Variants in WDR19 observed in about 807,000 individuals in gnomAD.
WDR19 encodes WD repeat domain 19.
In WDR19, 121 loss-of-function variants were observed where a neutral mutation model predicts 180.0. The observed-to-expected ratio is 0.67, with a 90% CI of 0.58 to 0.78. The LOEUF is 0.78. Among genes scored for constraint, WDR19 ranks in the 30% least tolerant of loss-of-function variants. The pLI is 0.00. For synonymous variants in WDR19, 497 were observed against 540.7 expected, an observed-to-expected ratio of 0.92 and a Z score of 1.12; for missense variants, 1,450 against 1,640.7, an observed-to-expected ratio of 0.88 and a Z score of 2.01.
At chr4:39,208,252 T>G (rs1432564290) in intron 9 of WDR19, among the ~76,000 whole-genome samples, 4 of 151,478 alleles carry the variant, frequency 2.6e-5, no homozygotes, top group Non-Finnish European at 5.9e-5. Context: ...AATTCAAACA[T>G]GTCAGCCCAT....
chr4:39,213,803 T>C (rs1728776120), intron 9 of WDR19, among the ~76,000 whole-genome samples: 1 of 152,170 alleles, frequency 6.6e-6, no homozygotes, highest in Admixed American at 6.6e-5. Context: ...AGTATCCTGA[T>C]TGTGGTATTA....
intron 36 of WDR19, among the ~76,000 whole-genome samples, chr4:39,282,087 A>C (rs1415510607): frequency 6.6e-6 from 1 of 152,222 alleles, no homozygotes; most frequent in Non-Finnish European, 1.5e-5. Context: ...TTTGGAGTCC[A>C]TTGATTGGGA....
At chr4:39,228,116 T>C in intron 15 of WDR19, 94 bp from the exon 16 acceptor site, 1 of 1,425,990 alleles carries the variant, frequency 7.0e-7, no homozygotes. Context: ...CTCAGTAAGC[T>C]AAGCCAGCTA....
At chr4:39,256,142 T>C (rs775896138) in intron 27 of WDR19, among the ~76,000 whole-genome samples, 182 bp downstream of exon 27, 17 of 152,300 alleles carry the variant, frequency 1.1e-4, no homozygotes, top group Non-Finnish European at 2.1e-4. Context: ...CAACCTTCCT[T>C]CGTAATACCT....
chr4:39,255,612 C>T (rs1733670362), intron 26 of WDR19, among the ~76,000 whole-genome samples: 1 of 151,852 alleles, frequency 6.6e-6, no homozygotes, highest in Non-Finnish European at 1.5e-5. Context: ...CTAACAAAAA[C>T]CTTGTAATTT....
At chr4:39,230,411 T>C (rs937889527) in intron 17 of WDR19, among the ~76,000 whole-genome samples, 3 of 152,148 alleles carry the variant, frequency 2.0e-5, no homozygotes, top group Non-Finnish European at 4.4e-5. Context: ...ATGTGTTGCC[T>C]CAGAGCCAGG....
Position 39,270,032 on chromosome 4 carries a change from C to T in WDR19, c.3415C>T (p.Gln1139Ter). 6.2e-7 allele frequency: 1 copy of T among 1,613,808 alleles called. No individual in the cohort carries two copies. The highest frequency in any genetic ancestry group is 1.1e-5 in the South Asian group (1 of 91,048). ...CAGTATGTATGCAGAACTGAAATCC[C>T]AGAAGATCAAAATTCCCTCCGAGAT... ...LFSMYAELKS[Q>*]KIKIPSEMAT... The change falls in exon 31 of 37, where the codon CAG becomes TAG. Residue 1139 changes from glutamine (Q) to a stop codon, truncating the protein, a stop_gained. Coordinates refer to ENST00000399820, the MANE Select transcript of WDR19 (RefSeq NM_025132.4). LOFTEE classifies it high-confidence loss of function.
intron 21 of WDR19, among the ~76,000 whole-genome samples, chr4:39,242,367 C>T (rs1732049892): frequency 6.6e-6 from 1 of 152,078 alleles, no homozygotes; most frequent in Admixed American, 6.6e-5. Context: ...AGCCATCCTC[C>T]CGCCTTAGCC....
At chr4:39,246,271 C>A (rs1732509774) in intron 24 of WDR19, among the ~76,000 whole-genome samples, 1 of 152,052 alleles carries the variant, frequency 6.6e-6, no homozygotes, top group Non-Finnish European at 1.5e-5. Flanking sequence ...TTTGGGAGGC[C>A]AAGGCAAGAG....
intron 17 of WDR19, 135 bp downstream of exon 17, chr4:39,228,825 G>A: frequency 1.0e-6 from 1 of 981,640 alleles, no homozygotes; most frequent in Non-Finnish European, 1.4e-6. Flanking sequence ...TTTTGTAAAT[G>A]TAGAAGTACA....
At chr4:39,269,205 T>C (rs1171565247) in intron 30 of WDR19, among the ~76,000 whole-genome samples, 3 of 152,072 alleles carry the variant, frequency 2.0e-5, no homozygotes, top group African/African-American at 7.3e-5. Flanking sequence ...GCTCAGGAAT[T>C]TGCACTTCCA....
intron 19 of WDR19, among the ~76,000 whole-genome samples, chr4:39,232,900 G>T (rs1418561810): frequency 6.6e-6 from 1 of 152,084 alleles, no homozygotes; most frequent in Non-Finnish European, 1.5e-5. Context: ...TCTGCATTTT[G>T]TGGAGGTATA....
intron 4 of WDR19, among the ~76,000 whole-genome samples, chr4:39,192,734 T>C (rs550805556): frequency 1.3e-5 from 2 of 152,278 alleles, no homozygotes; most frequent in African/African-American, 4.8e-5. Flanking sequence ...AGTGCTAGGA[T>C]TATAGGCGTG....
intron 28 of WDR19, among the ~76,000 whole-genome samples, chr4:39,259,609 C>G (rs1030652231): frequency 6.6e-6 from 1 of 152,126 alleles, no homozygotes; most frequent in South Asian, 2.1e-4. Context: ...GAATAATATT[C>G]CATCGTATGA....
At chr4:39,272,872 C>A in intron 31 of WDR19, 108 bp from the exon 32 acceptor site, 1 of 889,086 alleles carries the variant, frequency 1.1e-6, no homozygotes, top group Non-Finnish European at 1.7e-6. Context: ...ACAAGGATCC[C>A]ACAGTGACCC....
chr4:39,211,038 T>G (rs1226206719), intron 9 of WDR19, among the ~76,000 whole-genome samples: 1 of 151,018 alleles, frequency 6.6e-6, no homozygotes, highest in South Asian at 2.1e-4. Flanking sequence ...CCTGGGAGGT[T>G]GAGGCTGCAG....
intron 3 of WDR19, 41 bp downstream of exon 3, chr4:39,186,645 G>A: frequency 7.3e-7 from 1 of 1,374,266 alleles, no homozygotes; most frequent in Non-Finnish European, 9.9e-7. Flanking sequence ...GTCAAGTTTT[G>A]TTGCCTAAAA....
At chr4:39,261,495 A>T (rs1318980885) in intron 28 of WDR19, among the ~76,000 whole-genome samples, 1 of 152,212 alleles carries the variant, frequency 6.6e-6, no homozygotes, top group Non-Finnish European at 1.5e-5. Context: ...TTTAATTAAT[A>T]AGTCCAGAAG....
chr4:39,191,473 A>G (rs1226455374), intron 4 of WDR19, among the ~76,000 whole-genome samples: 4 of 152,158 alleles, frequency 2.6e-5, no homozygotes, highest in African/African-American at 9.7e-5. Flanking sequence ...TTATCACAAA[A>G]CTTACTGTGG....
Sources: gnomAD v4.1 joint callset for allele counts (sites outside exome capture counted in the v4.1 genomes callset) on GRCh38, gnomAD v4.1.1 for gene constraint, MANE v1.5 for transcripts, NCBI Gene and HGNC (gene_info 2026-07-23, HGNC 2026-07-21) for gene names.